NELL1: variants seen among roughly 807,000 people sequenced by gnomAD.
NELL1 encodes neural EGFL like 1.
Under a neutral mutation model 107.4 loss-of-function variants are expected in NELL1, and 76 were observed. The observed-to-expected ratio is 0.71, with a 90% confidence interval of 0.59 to 0.86. The LOEUF (loss-of-function observed/expected upper bound fraction) is 0.86. Ranked by LOEUF, NELL1 falls within the 40% of genes least tolerant of loss-of-function variation. The probability of loss-of-function intolerance (pLI) is 0.00; values close to 1 mark genes in which losing one functional copy is unlikely to be tolerated. For missense variants in NELL1, 1,024 were observed against 1,005.5 expected (o/e 1.02, Z -0.25); for synonymous variants, 353 against 341.2 (o/e 1.03, Z -0.38).
rs115117820 is a variant in NELL1 at position 21,497,323 on chromosome 11, A to T, written c.1646-37051A>T. ...AAGTATAGTTACAAAAAATATTTTT[A>T]AAAAAAGTAGACCAAATATTGTCAT... On this transcript the variant is annotated intron_variant, in intron 15 of 19. Coordinates refer to ENST00000357134, the MANE Select transcript of NELL1 (RefSeq NM_006157.5). 8.7e-3 allele frequency among the ~76,000 whole-genome samples: 1,320 copies of T among 152,258 alleles called. 14 individuals are homozygous for T. The highest frequency in any genetic ancestry group is 0.029 in the African/African-American group (1,210 of 41,554).
intron 15 of NELL1, among the ~76,000 whole-genome samples, chr11:21,408,652 G>A (rs1284355851): frequency 6.6e-6 from 1 of 151,986 alleles, no homozygotes; most frequent in Non-Finnish European, 1.5e-5. Flanking sequence ...CTTTTGCTGT[G>A]CAGAAGCTCT....
rs113472825 is a variant in NELL1, at chr11:21,472,587, G to T, written c.1646-61787G>T. 3.6e-3 allele frequency among the ~76,000 whole-genome samples: 551 copies of T among 152,040 alleles called. 6 individuals carry two copies. The highest frequency in any genetic ancestry group is 0.013 in the African/African-American group (527 of 41,528). On this transcript the variant is annotated intron_variant, in intron 15 of 19. Coordinates refer to ENST00000357134, the MANE Select transcript of NELL1 (RefSeq NM_006157.5). ...TTATCTCATTATGCTGAGGGAGAAA[G>T]AAGGATTAGTCTAATATTTGAATCA...
At chr11:21,452,407 A>G (rs59817651) in intron 15 of NELL1, among the ~76,000 whole-genome samples, 4,074 of 152,162 alleles carry the variant, frequency 0.027, 193 homozygotes, top group African/African-American at 0.091. Context: ...TTTTCCCTGA[A>G]TGACTTTTGT....
At chr11:21,406,519 A>G (rs1852240163) in intron 15 of NELL1, among the ~76,000 whole-genome samples, 1 of 152,024 alleles carries the variant, frequency 6.6e-6, no homozygotes, top group Non-Finnish European at 1.5e-5. Context: ...TAAGGATTAT[A>G]TTCTTTGTAC....
intron 15 of NELL1, among the ~76,000 whole-genome samples, chr11:21,447,899 G>A (rs1853475277): frequency 6.6e-6 from 1 of 152,124 alleles, no homozygotes; most frequent in South Asian, 2.1e-4. Flanking sequence ...GTGCTTCCCA[G>A]TTCTGACCAC....
chr11:20,700,863 A>G (rs898223542), intron 2 of NELL1, among the ~76,000 whole-genome samples: 3 of 152,194 alleles, frequency 2.0e-5, no homozygotes, highest in Non-Finnish European at 4.4e-5. Context: ...GCTGCCTAGT[A>G]TTCCATGGTG....
chr11:20,875,218 G>A (rs1849279894), intron 4 of NELL1, among the ~76,000 whole-genome samples: 1 of 151,822 alleles, frequency 6.6e-6, no homozygotes, highest in Non-Finnish European at 1.5e-5. Flanking sequence ...TTTACCCTTA[G>A]ATCTCACATT....
intron 12 of NELL1, among the ~76,000 whole-genome samples, chr11:21,021,804 G>A (rs1852708068): frequency 6.6e-6 from 1 of 151,974 alleles, no homozygotes; most frequent in African/African-American, 2.4e-5. Context: ...TCATGTTTGG[G>A]CTGACCCTCA....
chr11:21,313,052 CAAAAT>C (rs10616259), intron 14 of NELL1, among the ~76,000 whole-genome samples: 94,443 of 147,032 alleles, frequency 0.64, 30,889 homozygotes, highest in African/African-American at 0.75. Flanking sequence ...CTCCCCGTCT[CAAAAT>C]AAAATAAAAT....
At chr11:21,149,502 G>C (rs1856065720) in intron 13 of NELL1, among the ~76,000 whole-genome samples, 1 of 152,186 alleles carries the variant, frequency 6.6e-6, no homozygotes, top group Non-Finnish European at 1.5e-5. Context: ...CAGATGTCGT[G>C]AGACTTATTC....
At chr11:20,885,269 G>A (rs866727040) in intron 4 of NELL1, among the ~76,000 whole-genome samples, 175 bp from the exon 5 acceptor site, 2 of 152,224 alleles carry the variant, frequency 1.3e-5, no homozygotes, top group African/African-American at 4.8e-5. Flanking sequence ...GAGGGGCCCA[G>A]ATGATGTGTC....
chr11:21,169,811 C>A, intron 13 of NELL1: 4 of 1,395,312 alleles, frequency 2.9e-6, no homozygotes, highest in Non-Finnish European at 4.0e-6. Context: ...GGGACAGAAT[C>A]AGCCTGCTGA....
intron 15 of NELL1, among the ~76,000 whole-genome samples, chr11:21,460,294 T>C (rs1489279250): frequency 6.6e-6 from 1 of 152,050 alleles, no homozygotes. Context: ...GAATAAAGGA[T>C]ATGACTCATA....
intron 12 of NELL1, among the ~76,000 whole-genome samples, chr11:20,982,887 G>T (rs1334923242): frequency 6.6e-6 from 1 of 152,148 alleles, no homozygotes; most frequent in East Asian, 1.9e-4. Flanking sequence ...TAATGATTTG[G>T]GATCTTTGTG....
intron 3 of NELL1, among the ~76,000 whole-genome samples, 171 bp downstream of exon 3, chr11:20,784,001 G>A (rs1264633901): frequency 6.6e-6 from 1 of 152,214 alleles, no homozygotes; most frequent in African/African-American, 2.4e-5. Flanking sequence ...TTTGGTCAAA[G>A]TGGCTTTCTT....
intron 5 of NELL1, among the ~76,000 whole-genome samples, chr11:20,899,042 C>A (rs1018020680): frequency 6.6e-6 from 1 of 152,086 alleles, no homozygotes; most frequent in African/African-American, 2.4e-5. Context: ...CATTTGCCAT[C>A]ATACTGAGTG....
At position 20,953,753 on chromosome 11, in the gene NELL1, G is replaced by A. The variant is rs563433503; in HGVS notation, c.1171+6318G>A. 2.6e-5 allele frequency among the ~76,000 whole-genome samples: 4 copies of A among 152,208 alleles called. No homozygotes were observed. The South Asian group carries it at 8.3e-4, about 32-fold the overall frequency. Reference sequence around the variant, plus strand: ...ATTTGGAACTCTTATTCTTTGTCCAGCCAACCTCATTCATCCTTCAAATCT... The same window carrying A: ...ATTTGGAACTCTTATTCTTTGTCCAACCAACCTCATTCATCCTTCAAATCT... On this transcript the variant is annotated intron_variant, in intron 11 of 19. Coordinates refer to ENST00000357134, the MANE Select transcript of NELL1 (RefSeq NM_006157.5).
chr11:20,713,901 A>G (rs1252058635), intron 2 of NELL1, among the ~76,000 whole-genome samples: 1 of 152,132 alleles, frequency 6.6e-6, no homozygotes, highest in East Asian at 1.9e-4. Flanking sequence ...TTTCAGCTCT[A>G]GGTAAGTTTA....
chr11:21,002,892 C>A (rs562158838), intron 12 of NELL1, among the ~76,000 whole-genome samples: 5 of 152,270 alleles, frequency 3.3e-5, no homozygotes, highest in East Asian at 3.9e-4. Flanking sequence ...TCCATGAATG[C>A]TAAGAATTTA....
Sources: gnomAD v4.1 joint callset for allele counts (sites outside exome capture counted in the v4.1 genomes callset) on GRCh38, gnomAD v4.1.1 for gene constraint, MANE v1.5 for transcripts, NCBI Gene and HGNC (gene_info 2026-07-23, HGNC 2026-07-21) for gene names.